ACSF2: variants seen among roughly 807,000 people sequenced by gnomAD.
The protein encoded by ACSF2 is medium-chain acyl-CoA ligase ACSF2, mitochondrial.
ACSF2 carries 52 observed loss-of-function variants against 79.3 expected under a neutral mutation model. The ratio of observed to expected loss-of-function variants is 0.66; its 90% CI spans 0.53 to 0.83. ACSF2 has a LOEUF of 0.83. Among genes scored for constraint, ACSF2 ranks in the 40% least tolerant of loss-of-function variants. The pLI is 0.00. For missense variants in ACSF2, 661 were observed against 803.3 expected, an observed-to-expected ratio of 0.82 and a Z score of 2.14; for synonymous variants, 283 against 312.6, an observed-to-expected ratio of 0.91 and a Z score of 1.00.
At position 50,461,083 on chromosome 17, in the gene ACSF2, A is replaced by G; in HGVS notation, c.325-159A>G. ...GCAGCTCCTGGGGCACCTGTTAACT[A>G]TGCAGGCCCCAGGGCAGACCCACTG... On this transcript the variant is annotated intron_variant, in intron 2 of 15. Coordinates refer to ENST00000300441, the MANE Select transcript of ACSF2 (RefSeq NM_025149.6). 4 of 1,255,162 alleles carry G rather than the reference A, an allele frequency of 3.2e-6. No individual in the cohort carries two copies. The South Asian group carries it at 5.8e-5, about 18-fold the overall frequency. 77.8% of individuals were successfully genotyped at this position (1,255,162 alleles called of 1,614,324 possible).
chr17:50,472,591 G>T lies in ACSF2; in HGVS notation c.1475+12G>T. The T allele has an allele frequency of 6.3e-7, 1 of 1,576,814 alleles. No homozygotes were observed. The highest frequency in any genetic ancestry group is 1.4e-5 in the African/African-American group (1 of 73,310). ...TGGTATTGGACAGGGTGAGAAGGCAGGGCGGGGTGGAGGCTCTGGCCGCTG... is the reference window on the plus strand; with the variant it reads ...TGGTATTGGACAGGGTGAGAAGGCATGGCGGGGTGGAGGCTCTGGCCGCTG... On this transcript the variant is annotated intron_variant, in intron 12 of 15. Coordinates refer to ENST00000300441, the MANE Select transcript of ACSF2 (RefSeq NM_025149.6).
At chr17:50,435,116 C>T (rs947331243) in intron 1 of ACSF2, among the ~76,000 whole-genome samples, 17 of 152,120 alleles carry the variant, frequency 1.1e-4, no homozygotes, top group Admixed American at 5.2e-4. Flanking sequence ...GTGATTTGCC[C>T]GTCTCGGCCT....
intron 12 of ACSF2, 27 bp from the exon 13 acceptor site, chr17:50,473,638 C>G (rs780996063): frequency 5.6e-6 from 9 of 1,613,912 alleles, no homozygotes; most frequent in Admixed American, 3.3e-5. Context: ...GCAGAGATGA[C>G]AGGTTGCCCC....
rs1259941298 is a variant in ACSF2, at chr17:50,472,499, G to T, written c.1395G>T (p.Gly465=). The T allele has an allele frequency of 6.2e-7, 1 of 1,612,978 alleles. No homozygotes were observed. Among genetic ancestry groups the T allele is most frequent in the African/African-American group, 1.3e-5 (1 of 74,868 alleles). The change falls in exon 12 of 16, where the codon GGG becomes GGT. Residue 465 remains glycine, a synonymous_variant. Transcript: ENST00000300441. ...CGCCCGGGGAGCTGTGCATCCGAGG[G>T]TACTGCGTCATGCTGGGCTACTGGG... ...LNTPGELCIR[G]YCVMLGYWGE...
intron 1 of ACSF2, among the ~76,000 whole-genome samples, chr17:50,442,701 G>A (rs914126441): frequency 1.3e-5 from 2 of 152,102 alleles, no homozygotes; most frequent in Non-Finnish European, 2.9e-5. Context: ...CTGAATTCAA[G>A]CGATTTTCCT....
Position 50,468,482 on chromosome 17 carries a change from A to G in ACSF2, c.1216-2546A>G, listed in dbSNP as rs151027732. 5 of 1,614,128 alleles carry G rather than the reference A, an allele frequency of 3.1e-6. No individual in the cohort carries two copies. The African/African-American group carries it at 4.0e-5, about 13-fold the overall frequency. ...GAAGGCACCTGCGCGCAGCACGCGG[A>G]TGTCGTTATGGGACAGGTACAAGTA... On this transcript the variant is annotated intron_variant, in intron 10 of 15. Coordinates refer to ENST00000300441, the MANE Select transcript of ACSF2 (RefSeq NM_025149.6).
At chr17:50,449,010 CTTTTT>C (rs1157696530) in intron 1 of ACSF2, among the ~76,000 whole-genome samples, 1 of 101,242 alleles carries the variant, frequency 9.9e-6, no homozygotes, top group Admixed American at 1.1e-4. Flanking sequence ...AATATGTAGT[CTTTTT>C]TTTTTTTTTT....
chr17:50,474,129 C>T lies in ACSF2; in HGVS notation c.1729-70C>T. 6.2e-7 allele frequency: 1 copy of T among 1,604,034 alleles called. No individual in the cohort carries two copies. Among genetic ancestry groups the T allele is most frequent in the South Asian group, 1.1e-5 (1 of 90,700 alleles). ...AGCTGACTCCTGGCCAGGCCAGCCC[C>T]TGGTCCCCTACCCATACCCCTGTGA... is the stretch of plus-strand genomic sequence containing the variant. On this transcript the variant is annotated intron_variant, in intron 14 of 15. Coordinates refer to ENST00000300441, the MANE Select transcript of ACSF2 (RefSeq NM_025149.6). This position sits in a 1 kb window ranked among gnomAD's most constrained non-coding sequence, Gnocchi z 4.2.
chr17:50,455,120 C>T (rs1021785564), intron 1 of ACSF2, among the ~76,000 whole-genome samples: 5 of 152,174 alleles, frequency 3.3e-5, no homozygotes, highest in Non-Finnish European at 5.9e-5. Flanking sequence ...GTAGCTGGGA[C>T]TACAGGCGTG....
intron 1 of ACSF2, among the ~76,000 whole-genome samples, chr17:50,435,290 C>G (rs1169614951): frequency 6.6e-6 from 1 of 152,116 alleles, no homozygotes; most frequent in East Asian, 1.9e-4. Flanking sequence ...TTTCAGAGTT[C>G]TGTATGTATT....
Position 50,461,281 on chromosome 17 carries a change from T to G in ACSF2, c.364T>G (p.Cys122Gly). 1.2e-6 allele frequency: 2 copies of G among 1,614,230 alleles called. No homozygotes were observed. Among genetic ancestry groups the G allele is most frequent in the Non-Finnish European group, 1.7e-6 (2 of 1,180,022 alleles). ...AASGLLSIGLCKGDRLGMWGP... is the reference protein window; with the variant it reads ...AASGLLSIGLGKGDRLGMWGP... The stretch of plus-strand genomic sequence containing the variant: ...TTCTGGCCTCCTGAGCATTGGCCTC[T>G]GCAAAGGTGACCGGCTGGGCATGTG... Residue 122 changes from cysteine (C) to glycine (G), a missense_variant, in exon 3 of 16, where the codon TGC becomes GGC. Cys to Gly is a radical substitution (Grantham distance 159). Transcript: ENST00000300441.
rs34405131 is a variant in ACSF2 at position 50,465,416 on chromosome 17, C to A, written c.1215+1122C>A. 1.2e-3 allele frequency: 1,954 copies of A among 1,613,742 alleles called. 14 individuals carry two copies. The African/African-American group carries it at 0.023, about 19-fold the overall frequency. On this transcript the variant is annotated intron_variant, in intron 10 of 15. Coordinates refer to ENST00000300441, the MANE Select transcript of ACSF2 (RefSeq NM_025149.6). Reference sequence around the variant, plus strand: ...AGGTGAGGCACAGGTGGCATCTGGGCGGGAGGCCTTGGCTTCCAGCCACCT... The same window carrying A: ...AGGTGAGGCACAGGTGGCATCTGGGAGGGAGGCCTTGGCTTCCAGCCACCT...
intron 1 of ACSF2, among the ~76,000 whole-genome samples, chr17:50,427,560 C>T (rs898729538): frequency 1.3e-5 from 2 of 152,026 alleles, no homozygotes; most frequent in Non-Finnish European, 2.9e-5. Context: ...CTCCCCTGAC[C>T]CCCTAGTCTC....
chr17:50,469,585 G>T (rs555318593), intron 10 of ACSF2, among the ~76,000 whole-genome samples: 1 of 152,246 alleles, frequency 6.6e-6, no homozygotes, highest in African/African-American at 2.4e-5. Flanking sequence ...AGAGAAGTGG[G>T]AAGTGGGGGA....
chr17:50,444,974 G>A, intron 1 of ACSF2, among the ~76,000 whole-genome samples: 1 of 152,040 alleles, frequency 6.6e-6, no homozygotes, highest in East Asian at 1.9e-4. Context: ...GAGTGCTGTG[G>A]CATAATCATA....
chr17:50,468,911 G>A, intron 10 of ACSF2: 1 of 1,416,778 alleles, frequency 7.1e-7, no homozygotes, highest in Non-Finnish European at 9.1e-7. Flanking sequence ...CTCTTTATAC[G>A]GTGGCCCTGA....
chr17:50,449,658 C>T (rs1289362265), intron 1 of ACSF2, among the ~76,000 whole-genome samples: 1 of 151,984 alleles, frequency 6.6e-6, no homozygotes, highest in Non-Finnish European at 1.5e-5. Context: ...TCATGATCCA[C>T]CCGCCTCGGC....
At chr17:50,438,906 G>A (rs1235560750) in intron 1 of ACSF2, among the ~76,000 whole-genome samples, 2 of 152,114 alleles carry the variant, frequency 1.3e-5, no homozygotes, top group Admixed American at 1.3e-4. Flanking sequence ...ATCCACAGAT[G>A]CAGAAACCAT....
At chr17:50,441,816 C>CTTTATTTA (rs554743595) in intron 1 of ACSF2, among the ~76,000 whole-genome samples, 1 of 151,822 alleles carries the variant, frequency 6.6e-6, no homozygotes, top group African/African-American at 2.4e-5. Context: ...AATGTTGTGT[C>CTTTATTTA]TTTATTTATT....
Sources: allele counts gnomAD v4.1 joint callset (sites outside exome capture counted in the v4.1 genomes callset), GRCh38; gene constraint gnomAD v4.1.1; non-coding constraint Gnocchi (gnomAD v3.1); transcripts MANE v1.5; gene names NCBI Gene and HGNC (gene_info 2026-07-23, HGNC 2026-07-21).